NRXN1: variants seen among roughly 807,000 people sequenced by gnomAD.
The protein encoded by NRXN1 is neurexin 1.
A neutral mutation model predicts 150.9 loss-of-function variants in NRXN1; 39 were observed. The observed-to-expected ratio is 0.26, with a 90% confidence interval of 0.20 to 0.34. The LOEUF is 0.34. Among genes scored for constraint, NRXN1 ranks in the 10% least tolerant of loss-of-function variants. The probability of loss-of-function intolerance (pLI) is 1.00; values close to 1 mark genes in which losing one functional copy is unlikely to be tolerated. For missense variants in NRXN1, 1,815 were observed against 1,949.9 expected (o/e 0.93, Z 1.30); for synonymous variants, 924 against 757.0 (o/e 1.22, Z -3.62).
intron 5 of NRXN1, among the ~76,000 whole-genome samples, chr2:50,753,883 A>G (rs1176350898): frequency 6.6e-6 from 1 of 151,040 alleles, no homozygotes; most frequent in Admixed American, 6.6e-5. Flanking sequence ...ATAAATTGGT[A>G]AAACCAAAAG....
chr2:49,952,243 T>C (rs1274185445), intron 21 of NRXN1, among the ~76,000 whole-genome samples: 1 of 152,054 alleles, frequency 6.6e-6, no homozygotes, highest in African/African-American at 2.4e-5. Flanking sequence ...TTTACGAAGA[T>C]ACATGATAAG....
intron 17 of NRXN1, among the ~76,000 whole-genome samples, chr2:50,412,617 C>T (rs1485301890): frequency 6.6e-6 from 1 of 151,916 alleles, no homozygotes; most frequent in Non-Finnish European, 1.5e-5. Flanking sequence ...TCCTCACTTG[C>T]ATTTGCTTAT....
chr2:50,046,557 A>G (rs1240348169), intron 21 of NRXN1, among the ~76,000 whole-genome samples: 1 of 152,190 alleles, frequency 6.6e-6, no homozygotes, highest in Non-Finnish European at 1.5e-5. Flanking sequence ...ATATTTTAAG[A>G]TGAACATATG....
chr2:50,839,318 A>T (rs1672537454), intron 5 of NRXN1, among the ~76,000 whole-genome samples: 2 of 152,154 alleles, frequency 1.3e-5, no homozygotes, highest in Non-Finnish European at 2.9e-5. Flanking sequence ...GAGGATGTGA[A>T]ATTTAAAAAC....
chr2:50,145,134 A>G (rs1486435888), intron 18 of NRXN1, among the ~76,000 whole-genome samples: 1 of 151,786 alleles, frequency 6.6e-6, no homozygotes, highest in Non-Finnish European at 1.5e-5. Flanking sequence ...AAAAACCTTT[A>G]GATCTATGAT....
chr2:50,266,112 C>T (rs1489729294), intron 17 of NRXN1, among the ~76,000 whole-genome samples: 2 of 150,164 alleles, frequency 1.3e-5, no homozygotes, highest in Non-Finnish European at 3.0e-5. Flanking sequence ...GACTCCCCTG[C>T]CTCAGCCTCC....
chr2:49,933,421 G>C (rs1422604630), intron 22 of NRXN1, among the ~76,000 whole-genome samples: 1 of 152,052 alleles, frequency 6.6e-6, no homozygotes, highest in Non-Finnish European at 1.5e-5. Context: ...CCCAGTTCTA[G>C]CCCTTCCAGC....
At chr2:50,894,738 A>G (rs1273877150) in intron 5 of NRXN1, among the ~76,000 whole-genome samples, 2 of 152,152 alleles carry the variant, frequency 1.3e-5, no homozygotes, top group Non-Finnish European at 2.9e-5. Flanking sequence ...AACAAAAAGT[A>G]TATGTTATAT....
intron 15 of NRXN1, among the ~76,000 whole-genome samples, chr2:50,485,354 GA>G (rs541991508): frequency 6.6e-6 from 1 of 152,166 alleles, no homozygotes; most frequent in Non-Finnish European, 1.5e-5. Flanking sequence ...AAATGGGAAG[GA>G]AAGGTGTCTG....
At chr2:50,900,416 T>G (rs2103946808) in intron 5 of NRXN1, among the ~76,000 whole-genome samples, 1 of 152,266 alleles carries the variant, frequency 6.6e-6, no homozygotes, top group African/African-American at 2.4e-5. Flanking sequence ...CTAGTTGAGG[T>G]TATTAGGTCT....
At chr2:50,187,733 C>G (rs1334001280) in intron 18 of NRXN1, among the ~76,000 whole-genome samples, 1 of 151,530 alleles carries the variant, frequency 6.6e-6, no homozygotes, top group Non-Finnish European at 1.5e-5. Context: ...GAGCATGGTT[C>G]CATTTGTGTC....
intron 2 of NRXN1, among the ~76,000 whole-genome samples, chr2:50,979,447 A>C (rs1273575538): frequency 6.6e-6 from 1 of 152,140 alleles, no homozygotes; most frequent in Admixed American, 6.6e-5. Context: ...CAGGACAAGA[A>C]GCCAGATGTG....
In NRXN1 at chr2:50,338,517, T is replaced by A. The variant is rs1025524148; in HGVS notation, c.3365-101547A>T. Among the ~76,000 whole-genome samples the A allele has an allele frequency of 3.3e-5, 5 of 152,294 alleles. No individual in the cohort carries two copies. In the East Asian group the frequency reaches 9.6e-4, roughly 29 times the overall value. On this transcript the variant is annotated intron_variant, in intron 17 of 22. Transcript: ENST00000401669. Reference sequence around the variant, plus strand: ...TAGACATGTTCCAGTATTATTTCTCTATACTAGATTGTAATATATTTTATA... The same window carrying A: ...TAGACATGTTCCAGTATTATTTCTCAATACTAGATTGTAATATATTTTATA...
At chr2:50,430,545 C>G (rs1474973988) in intron 17 of NRXN1, among the ~76,000 whole-genome samples, 1 of 152,134 alleles carries the variant, frequency 6.6e-6, no homozygotes, top group Admixed American at 6.6e-5. Context: ...ACAGTGATGT[C>G]TTGGTATAGT....
At chr2:50,826,970 G>C (rs1670537483) in intron 5 of NRXN1, among the ~76,000 whole-genome samples, 1 of 152,200 alleles carries the variant, frequency 6.6e-6, no homozygotes, top group South Asian at 2.1e-4. Flanking sequence ...CAGAGCAGAA[G>C]TCAGCAAGAA....
intron 5 of NRXN1, among the ~76,000 whole-genome samples, chr2:50,877,993 G>A (rs563104202): frequency 6.6e-6 from 1 of 151,408 alleles, no homozygotes; most frequent in African/African-American, 2.4e-5. Flanking sequence ...CACCTCTAAT[G>A]TTAGATTCCA....
chr2:50,797,792 T>C (rs1451377438), intron 5 of NRXN1, among the ~76,000 whole-genome samples: 1 of 152,158 alleles, frequency 6.6e-6, no homozygotes, highest in Non-Finnish European at 1.5e-5. Context: ...ACTCCATAAA[T>C]GTTAGCTTCC....
At chr2:50,160,512 G>C (rs1399872619) in intron 18 of NRXN1, among the ~76,000 whole-genome samples, 1 of 151,902 alleles carries the variant, frequency 6.6e-6, no homozygotes, top group East Asian at 1.9e-4. Flanking sequence ...TTGCACTCCA[G>C]TCTGGGCAAC....
At chr2:51,021,586 A>C (rs1004862736) in intron 2 of NRXN1, among the ~76,000 whole-genome samples, 1 of 151,992 alleles carries the variant, frequency 6.6e-6, no homozygotes. Context: ...ATGCTGAAAA[A>C]TATAACCTAC....
Sources: allele counts gnomAD v4.1 joint callset (sites outside exome capture counted in the v4.1 genomes callset), GRCh38; gene constraint gnomAD v4.1.1; transcripts MANE v1.5; gene names NCBI Gene and HGNC (gene_info 2026-07-23, HGNC 2026-07-21).